ARHGAP44: variants seen among roughly 807,000 people sequenced by gnomAD.
ARHGAP44 encodes rho GTPase-activating protein 44.
ARHGAP44 carries 43 observed loss-of-function variants against 106.8 expected under a neutral mutation model. The observed-to-expected ratio is 0.40, with a 90% CI of 0.32 to 0.52. The LOEUF (loss-of-function observed/expected upper bound fraction) is 0.52, where lower values mean the gene tolerates loss of function less well. ARHGAP44 is among the 20% of genes least tolerant of loss of function. The pLI is 0.48. For synonymous variants in ARHGAP44, 439 were observed against 410.3 expected (o/e 1.07, Z -0.85); for missense variants, 866 against 1,050.5 (o/e 0.82, Z 2.43).
chr17:12,921,354 T>A (rs1186270899), intron 6 of ARHGAP44, among the ~76,000 whole-genome samples: 2 of 152,080 alleles, frequency 1.3e-5, no homozygotes, highest in Admixed American at 1.3e-4. Flanking sequence ...TTATTATTTT[T>A]AAAAATTTTG....
At chr17:12,983,838 A>G (rs2143440083) in intron 19 of ARHGAP44, among the ~76,000 whole-genome samples, 1 of 152,304 alleles carries the variant, frequency 6.6e-6, no homozygotes, top group Non-Finnish European at 1.5e-5. Context: ...AAACCCCAGA[A>G]AAACAACGAA....
At chr17:12,863,795 A>AT (rs1267208215) in intron 1 of ARHGAP44, among the ~76,000 whole-genome samples, 1 of 152,160 alleles carries the variant, frequency 6.6e-6, no homozygotes, top group African/African-American at 2.4e-5. Flanking sequence ...AAATAACAAT[A>AT]TTTGTTTTCC....
chr17:12,825,281 TC>T (rs1337844146), intron 1 of ARHGAP44, among the ~76,000 whole-genome samples: 5 of 152,056 alleles, frequency 3.3e-5, no homozygotes, highest in African/African-American at 1.2e-4. Context: ...CAAGCCATCT[TC>T]CCACCTTGGC....
At chr17:12,844,090 G>A (rs540853721) in intron 1 of ARHGAP44, among the ~76,000 whole-genome samples, 2 of 152,304 alleles carry the variant, frequency 1.3e-5, no homozygotes, top group South Asian at 4.1e-4. Flanking sequence ...CTCTGTGCAT[G>A]CATAGTTCAG....
At chr17:12,823,557 A>G (rs1031786550) in intron 1 of ARHGAP44, among the ~76,000 whole-genome samples, 42 of 152,104 alleles carry the variant, frequency 2.8e-4, no homozygotes, top group African/African-American at 9.4e-4. Flanking sequence ...TAGAGAAGCT[A>G]TTCTTTCTCT....
intron 2 of ARHGAP44, 46 bp from the exon 3 acceptor site, chr17:12,896,361 T>C (rs768264041): frequency 6.6e-7 from 1 of 1,518,148 alleles, no homozygotes; most frequent in South Asian, 1.2e-5. Context: ...CCTCCTCCCC[T>C]GACCTTGCCC....
At chr17:12,829,390 G>T (rs181095289) in intron 1 of ARHGAP44, among the ~76,000 whole-genome samples, 2 of 152,102 alleles carry the variant, frequency 1.3e-5, no homozygotes, top group African/African-American at 4.8e-5. Context: ...GCCTTCAGCA[G>T]CCCTCCTATT....
At chr17:12,904,176 G>A (rs767889752) in intron 3 of ARHGAP44, among the ~76,000 whole-genome samples, 4 of 151,800 alleles carry the variant, frequency 2.6e-5, no homozygotes, top group Non-Finnish European at 4.4e-5. Context: ...GTGCCATCTC[G>A]GCTCACTGCA....
At chr17:12,951,552 C>G (rs1381602102) in intron 12 of ARHGAP44, among the ~76,000 whole-genome samples, 1 of 152,106 alleles carries the variant, frequency 6.6e-6, no homozygotes, top group African/African-American at 2.4e-5. Context: ...GGCAGGATAG[C>G]TTAGTGCTTC....
At chr17:12,868,547 G>T (rs1013195255) in intron 1 of ARHGAP44, among the ~76,000 whole-genome samples, 2 of 120,780 alleles carry the variant, frequency 1.7e-5, no homozygotes, top group African/African-American at 3.2e-5. Context: ...AAACTGAGAG[G>T]CTAAAAAGCC....
intron 4 of ARHGAP44, among the ~76,000 whole-genome samples, chr17:12,913,969 A>T (rs1345394245): frequency 3.5e-5 from 1 of 28,954 alleles, no homozygotes; most frequent in Non-Finnish European, 6.7e-5. Context: ...ATTTTGTCTC[A>T]AAAAAAAAAA....
chr17:12,849,594 T>TTTTTTTTTTTTTTTTTTTTTTTTG, intron 1 of ARHGAP44, among the ~76,000 whole-genome samples: 1 of 112,456 alleles, frequency 8.9e-6, no homozygotes, highest in African/African-American at 4.4e-5. Flanking sequence ...TTTTTTTTTT[T>TTTTTTTTTTTTTTTTTTTTTTTTG]GCTTGGCTTC....
At chr17:12,823,728 A>C (rs1037618018) in intron 1 of ARHGAP44, among the ~76,000 whole-genome samples, 1 of 152,182 alleles carries the variant, frequency 6.6e-6, no homozygotes, top group East Asian at 1.9e-4. Flanking sequence ...ATCTCTTGAT[A>C]CTTCTCCTTA....
chr17:12,800,666 A>C (rs141824081), intron 1 of ARHGAP44, among the ~76,000 whole-genome samples: 1 of 152,242 alleles, frequency 6.6e-6, no homozygotes, highest in Non-Finnish European at 1.5e-5. Flanking sequence ...GTCAGGAACT[A>C]GGCTATGTAG....
At chr17:12,987,431 C>T in intron 20 of ARHGAP44, 1 of 374,626 alleles carries the variant, frequency 2.7e-6, no homozygotes, top group Non-Finnish European at 4.9e-6. Flanking sequence ...ATCACATCTG[C>T]AGCTCCTCCC....
At chr17:12,818,475 A>G (rs2034667055) in intron 1 of ARHGAP44, among the ~76,000 whole-genome samples, 2 of 151,910 alleles carry the variant, frequency 1.3e-5, no homozygotes, top group South Asian at 4.1e-4. Context: ...GGTGATCCTA[A>G]TCAGTGCAAT....
rs1184242993 is a variant in ARHGAP44, at chr17:12,974,233, G to A, written c.1686G>A (p.Glu562=). The change falls in exon 18 of 21, where the codon GAG becomes GAA. Residue 562 remains glutamate, a synonymous_variant. Coordinates refer to ENST00000379672, the MANE Select transcript of ARHGAP44 (RefSeq NM_014859.6). The part of the protein sequence containing the change: ...LAAPLPSPLP[E]QPLDSPAAPA... ...CGCCCCTGCCTTCGCCGCTGCCGGA[G>A]CAGCCCCTGGACAGCCCCGCGGCCC... 7.1e-6 allele frequency: 11 copies of A among 1,545,590 alleles called. No individual in the cohort carries two copies. The East Asian group carries it at 7.4e-5, about 10-fold the overall frequency.
intron 16 of ARHGAP44, among the ~76,000 whole-genome samples, chr17:12,968,597 A>G (rs1331035828): frequency 6.7e-6 from 1 of 149,390 alleles, no homozygotes; most frequent in African/African-American, 2.4e-5. Context: ...TCTAAGTAGC[A>G]TTTTAGCAAG....
intron 6 of ARHGAP44, among the ~76,000 whole-genome samples, chr17:12,924,401 G>A (rs2038174624): frequency 6.6e-6 from 1 of 152,128 alleles, no homozygotes; most frequent in Non-Finnish European, 1.5e-5. Context: ...TCTTTTTTGT[G>A]TGTGATAGGT....
Sources: gnomAD v4.1 joint callset for allele counts (sites outside exome capture counted in the v4.1 genomes callset) on GRCh38, gnomAD v4.1.1 for gene constraint, MANE v1.5 for transcripts, NCBI Gene and HGNC (gene_info 2026-07-23, HGNC 2026-07-21) for gene names.